ADAMTSL1: variants seen among roughly 807,000 people sequenced by gnomAD.
ADAMTSL1 encodes the protein ADAMTS-like protein 1.
Under a neutral mutation model 201.8 loss-of-function variants are expected in ADAMTSL1, and 126 were observed. That is an observed-to-expected ratio of 0.62 (90% confidence interval 0.54 to 0.72). The LOEUF (loss-of-function observed/expected upper bound fraction) is 0.72. Ranked by LOEUF, ADAMTSL1 falls within the 30% of genes least tolerant of loss-of-function variation. ADAMTSL1 has a pLI of 0.00. For synonymous variants in ADAMTSL1, 1,121 were observed against 903.4 expected, an observed-to-expected ratio of 1.24 and a Z score of -4.32; for missense variants, 2,679 against 2,277.8, an observed-to-expected ratio of 1.18 and a Z score of -3.59.
At position 18,826,335 on chromosome 9, in the gene ADAMTSL1, C is replaced by G; in HGVS notation, c.3986C>G (p.Ser1329Cys). 3.1e-6 allele frequency: 5 copies of G among 1,613,570 alleles called. No homozygotes were observed. The highest frequency in any genetic ancestry group is 4.2e-6 in the Non-Finnish European group (5 of 1,179,766). Reference protein sequence around the residue: ...TWFRNKSKLGSPHHLHEGSLL... With the variant: ...TWFRNKSKLGCPHHLHEGSLL... Reference sequence around the variant, plus strand: ...TTCAGGAATAAAAGCAAACTGGGCTCCCCGCACCATCTGCACGAAGGCTCC... The same window carrying G: ...TTCAGGAATAAAAGCAAACTGGGCTGCCCGCACCATCTGCACGAAGGCTCC... Residue 1329 changes from serine to cysteine, a missense_variant, in exon 22 of 29, where the codon TCC becomes TGC. By Grantham distance (112) the Ser-to-Cys change is moderately radical. Coordinates refer to ENST00000380548, the MANE Select transcript of ADAMTSL1 (RefSeq NM_001040272.6).
intron 1 of ADAMTSL1, among the ~76,000 whole-genome samples, chr9:17,948,524 A>G (rs1381917671): frequency 1.3e-5 from 2 of 152,198 alleles, no homozygotes; most frequent in African/African-American, 2.4e-5. Flanking sequence ...AGTGCTGTGT[A>G]TACTGTCCTT....
At chr9:18,130,362 A>T (rs1292044315) in intron 1 of ADAMTSL1, among the ~76,000 whole-genome samples, 1 of 152,200 alleles carries the variant, frequency 6.6e-6, no homozygotes, top group Non-Finnish European at 1.5e-5. Flanking sequence ...GTAAATTAAT[A>T]TTTAATAAGC....
chr9:18,885,251 C>A (rs1588305539), intron 23 of ADAMTSL1, among the ~76,000 whole-genome samples: 2 of 152,218 alleles, frequency 1.3e-5, no homozygotes, highest in South Asian at 2.1e-4. Context: ...CACAAAGAGA[C>A]AAATAAGGGC....
intron 2 of ADAMTSL1, among the ~76,000 whole-genome samples, chr9:18,517,352 C>T (rs1818416554): frequency 6.6e-6 from 1 of 151,714 alleles, no homozygotes; most frequent in Non-Finnish European, 1.5e-5. Context: ...AAATAGAGCC[C>T]AATTTTTTTA....
chr9:18,446,632 G>A (rs918619341), intron 2 of ADAMTSL1, among the ~76,000 whole-genome samples: 4 of 152,196 alleles, frequency 2.6e-5, no homozygotes, highest in African/African-American at 7.2e-5. Flanking sequence ...CAACTTGAGG[G>A]AAACAAGGCA....
chr9:18,739,152 T>C (rs1017757443), intron 15 of ADAMTSL1, among the ~76,000 whole-genome samples: 2 of 152,222 alleles, frequency 1.3e-5, no homozygotes, highest in African/African-American at 4.8e-5. Context: ...CTTACAGCAG[T>C]ACCCAGCACA....
At chr9:18,801,862 T>C (rs1311622933) in intron 20 of ADAMTSL1, among the ~76,000 whole-genome samples, 1 of 152,220 alleles carries the variant, frequency 6.6e-6, no homozygotes, top group African/African-American at 2.4e-5. Context: ...AGAATGATTT[T>C]ATATTCCTCT....
intron 2 of ADAMTSL1, among the ~76,000 whole-genome samples, chr9:18,257,785 A>G (rs1264070014): frequency 2.0e-5 from 3 of 152,228 alleles, no homozygotes; most frequent in Non-Finnish European, 4.4e-5. Context: ...TGAGGCCTAG[A>G]CATAAAATAT....
At chr9:18,534,141 C>A (rs1819612629) in intron 3 of ADAMTSL1, among the ~76,000 whole-genome samples, 1 of 152,138 alleles carries the variant, frequency 6.6e-6, no homozygotes, top group Non-Finnish European at 1.5e-5. Flanking sequence ...TAATGGGAGT[C>A]ACTAAGAGCA....
In ADAMTSL1 at chr9:18,518,126, G is replaced by C. The variant is rs957070694; in HGVS notation, c.191+13170G>C. On this transcript the variant is annotated intron_variant, in intron 2 of 28. Transcript: ENST00000380548. ...ACCAAACAGACTGCAAGGGAAAAAA[G>C]TAAATAATTGTCAAAAAATATTTAC... Among the ~76,000 whole-genome samples the C allele has an allele frequency of 7.9e-5, 12 of 152,208 alleles. No homozygotes were observed. The South Asian group carries it at 1.2e-3, about 16-fold the overall frequency.
At chr9:18,722,087 A>G (rs1833423393) in intron 15 of ADAMTSL1, among the ~76,000 whole-genome samples, 1 of 152,238 alleles carries the variant, frequency 6.6e-6, no homozygotes, top group African/African-American at 2.4e-5. Flanking sequence ...TAATTGATCC[A>G]CTGTGAAATC....
rs146980217 is a variant in ADAMTSL1, at chr9:18,492,011, T to A, written c.64-12818T>A. ...AATACCTATTTAACTAGAGAATGCA[T>A]GGCTTGATTGATGTAGTTACAACAA... On this transcript the variant is annotated intron_variant, in intron 1 of 28. Transcript: ENST00000380548. 7.9e-5 allele frequency among the ~76,000 whole-genome samples: 12 copies of A among 152,346 alleles called. No homozygotes were observed. In the East Asian group the frequency reaches 1.7e-3, roughly 22 times the overall value.
chr9:18,900,681 C>G (rs1343094758), intron 26 of ADAMTSL1, among the ~76,000 whole-genome samples: 1 of 150,998 alleles, frequency 6.6e-6, no homozygotes, highest in South Asian at 2.1e-4. Context: ...GAACAGAAAA[C>G]CAAACACCGT....
chr9:18,816,315 C>T (rs1455126303), intron 20 of ADAMTSL1, among the ~76,000 whole-genome samples: 4 of 152,184 alleles, frequency 2.6e-5, no homozygotes, highest in Admixed American at 6.5e-5. Flanking sequence ...CGGCTCATTG[C>T]ACCTTCCACC....
At chr9:18,338,299 C>T (rs1835330926) in intron 2 of ADAMTSL1, among the ~76,000 whole-genome samples, 1 of 152,098 alleles carries the variant, frequency 6.6e-6, no homozygotes, top group Non-Finnish European at 1.5e-5. Flanking sequence ...GATGAATTTC[C>T]CACATGAGCA....
chr9:18,188,516 G>A (rs1474508018), intron 2 of ADAMTSL1, among the ~76,000 whole-genome samples: 1 of 152,142 alleles, frequency 6.6e-6, no homozygotes, highest in South Asian at 2.1e-4. Context: ...TTTACTAGAT[G>A]AGAAAGGATG....
intron 1 of ADAMTSL1, among the ~76,000 whole-genome samples, chr9:18,074,508 TTTC>T (rs144031606): frequency 0.093 from 4,721 of 50,720 alleles, 172 homozygotes; most frequent in South Asian, 0.13. Flanking sequence ...TTTCTTTTCT[TTTC>T]TTCTTTTCTT....
intron 1 of ADAMTSL1, among the ~76,000 whole-genome samples, chr9:17,984,028 T>A: frequency 6.6e-6 from 1 of 152,156 alleles, no homozygotes; most frequent in East Asian, 1.9e-4. Context: ...AAGTTAGATT[T>A]AAGGAATGTA....
chr9:18,143,592 G>C (rs1171238877), intron 1 of ADAMTSL1, among the ~76,000 whole-genome samples: 1 of 152,048 alleles, frequency 6.6e-6, no homozygotes, highest in Non-Finnish European at 1.5e-5. Context: ...TCAAGTGTAG[G>C]CGTGTGCATG....
Sources: gnomAD v4.1 joint callset for allele counts (sites outside exome capture counted in the v4.1 genomes callset) on GRCh38, gnomAD v4.1.1 for gene constraint, MANE v1.5 for transcripts, NCBI Gene and HGNC (gene_info 2026-07-23, HGNC 2026-07-21) for gene names.